The following SPSB2 variants were observed in gnomAD, a reference collection of about 807,000 sequenced individuals.
SPSB2 encodes the protein splA/ryanodine receptor domain and SOCS box containing 2.
A neutral mutation model predicts 19.2 loss-of-function variants in SPSB2; 25 were observed. The ratio of observed to expected loss-of-function variants is 1.30; its 90% CI spans 0.95 to 1.82. SPSB2 has a LOEUF of 1.82. Ranked by LOEUF, SPSB2 falls within the 40% of genes most tolerant of loss-of-function variation. The pLI is 0.00. For missense variants in SPSB2, 413 were observed against 344.9 expected, an observed-to-expected ratio of 1.20 and a Z score of -1.56; for synonymous variants, 153 against 154.9, an observed-to-expected ratio of 0.99 and a Z score of 0.09.
Position 6,871,770 on chromosome 12 carries a change from CCCCAGTGTCTCCA to C in SPSB2, c.664+455_665-452del, listed in dbSNP as rs1944599449. On this transcript the variant is annotated intron_variant, in intron 2 of 2. Coordinates refer to ENST00000524270, the MANE Select transcript of SPSB2 (RefSeq NM_032641.4). ...CTGCTCTCCTCCCTGGTGCCCAGGG[CCCCAGTGTCTCCA>C]TCCAGAGGTGTGGCTGAGGAAGGAA... The C allele has an allele frequency of 8.0e-6, 3 of 374,746 alleles. No homozygotes were observed. In the South Asian group the frequency reaches 1.2e-4, roughly 14 times the overall value. The allele number at this position is 374,746 out of a possible 1,614,324, so 23.2% of individuals were successfully genotyped here. A position where few individuals can be genotyped will look rare whatever the true frequency, so the allele number is the denominator to read the frequency against.
At chr12:6,872,133 G>A in intron 2 of SPSB2, 105 bp downstream of exon 2, 1 of 1,612,996 alleles carries the variant, frequency 6.2e-7, no homozygotes, top group Non-Finnish European at 8.5e-7. Context: ...GGTTGAGGCA[G>A]GCTGGATGAA....
intron 2 of SPSB2, chr12:6,871,589 A>C (rs1944595397): frequency 9.7e-6 from 5 of 515,410 alleles, no homozygotes; most frequent in East Asian, 3.5e-5. Flanking sequence ...CCAGGCTTTG[A>C]CTCCAGAGGC....
rs782068809 is a variant in SPSB2 at position 6,872,864 on chromosome 12, G to A, written c.38C>T (p.Thr13Ile). 11 of 1,595,356 alleles carry A rather than the reference G, an allele frequency of 6.9e-6. No individual in the cohort carries two copies. The highest frequency in any genetic ancestry group is 2.7e-5 in the African/African-American group (2 of 74,510). The change falls in exon 2 of 3, where the codon ACC (threonine) becomes ATC (isoleucine). Residue 13 changes from threonine (T) to isoleucine (I), a missense_variant. Physicochemically the swap from Thr to Ile is moderately conservative, Grantham distance 89 (BLOSUM62 -1). Transcript: ENST00000524270. ...AGGGTACAGGGCCTGTGGCGTGGGG[G>A]TGCTGCTGCTGCCCCCTGCCAGAGC... The part of the protein sequence containing the change: ...QTALAGGSSS[T>I]PTPQALYPDL...
chr12:6,871,663 G>C (rs141383888), intron 2 of SPSB2: 118 of 383,686 alleles, frequency 3.1e-4, no homozygotes, highest in Middle Eastern at 7.1e-4. Flanking sequence ...CAACTGCAGA[G>C]AGCAGCTCCA....
chr12:6,872,310 T>C lies in SPSB2; in HGVS notation c.592A>G (p.Thr198Ala). The C allele has an allele frequency of 6.2e-7, 1 of 1,614,078 alleles. No individual in the cohort carries two copies. Among genetic ancestry groups the C allele is most frequent in the Non-Finnish European group, 8.5e-7 (1 of 1,179,994 alleles). ...GPAFRGLKGR[T>A]LYPAVSAVWG... The stretch of plus-strand genomic sequence containing the variant: ...ACAGCGCTTACTGCCGGATAGAGGG[T>C]CCTGCCCTTCAGTCCGCGGAATGCT... The change falls in exon 2 of 3, where the codon ACC becomes GCC. Residue 198 changes from threonine (T) to alanine (A), a missense_variant. Coordinates refer to ENST00000524270, the MANE Select transcript of SPSB2 (RefSeq NM_032641.4).
intron 2 of SPSB2, 109 bp downstream of exon 2, chr12:6,872,129 G>A: frequency 1.9e-6 from 3 of 1,612,928 alleles, no homozygotes; most frequent in Non-Finnish European, 2.5e-6. Flanking sequence ...CAGAGGTTGA[G>A]GCAGGCTGGA....
rs1336922035 is a variant in SPSB2, at chr12:6,872,987, C to A, written c.-86G>T. Reference sequence around the variant, plus strand: ...AAGTTGAGCTCCAGTTTGGATTGACCTGGAAGGGAGCTGGGAGAAAAGGGG... The same window carrying A: ...AAGTTGAGCTCCAGTTTGGATTGACATGGAAGGGAGCTGGGAGAAAAGGGG... On this transcript the variant is annotated 5_prime_UTR_variant, in exon 2 of 3. In the 5' UTR this introduces an upstream ATG that the reference lacks. Transcript: ENST00000524270. 4.9e-5 allele frequency: 47 copies of A among 951,438 alleles called. No individual in the cohort carries two copies. Among genetic ancestry groups the A allele is most frequent in the Non-Finnish European group, 6.9e-5 (44 of 642,010 alleles). 58.9% of individuals were successfully genotyped at this position (951,438 alleles called of 1,614,324 possible).
chr12:6,872,345 T>C lies in SPSB2; in HGVS notation c.557A>G (p.Tyr186Cys), dbSNP rs782555852. 3 of 1,614,204 alleles carry C rather than the reference T, an allele frequency of 1.9e-6. No homozygotes were observed. Among genetic ancestry groups the C allele is most frequent in the African/African-American group, 1.3e-5 (1 of 75,068 alleles). The change falls in exon 2 of 3, where the codon TAC becomes TGC. Residue 186 changes from tyrosine to cysteine, a missense_variant. Coordinates refer to ENST00000524270, the MANE Select transcript of SPSB2 (RefSeq NM_032641.4). ...CAGTCCGCGGAATGCTGGCCCCAGG[T>C]AGGTGCCCCCAATAGCGTAGCCCAG... ...GTLGYAIGGT[Y>C]LGPAFRGLKG...
chr12:6,872,434 A>C lies in SPSB2; in HGVS notation c.468T>G (p.Thr156=), dbSNP rs782820027. 6.2e-7 allele frequency: 1 copy of C among 1,614,220 alleles called. No individual in the cohort carries two copies. Among genetic ancestry groups the C allele is most frequent in the South Asian group, 1.1e-5 (1 of 91,086 alleles). The change falls in exon 2 of 3, where the codon ACT becomes ACG. Residue 156 remains threonine (T), a synonymous_variant. Transcript: ENST00000524270. ...GPGAPQYPAG[T]QGEQLEVPER... is the part of the protein sequence containing the mutation. The stretch of plus-strand genomic sequence containing the variant: ...CTGGCACCTCCAGCTGCTCACCCTG[A>C]GTTCCCGCTGGATACTGGGGGGCTC...
chr12:6,872,452 G>C lies in SPSB2; in HGVS notation c.450C>G (p.Pro150=), dbSNP rs1555133840. ...CACCCTGAGTTCCCGCTGGATACTG[G>C]GGGGCTCCGGGCCCCTTGCTCTGAT... ...LYHQSKGPGA[P]QYPAGTQGEQ... is the part of the protein sequence containing the mutation. Residue 150 remains proline, a synonymous_variant, in exon 2 of 3, where the codon CCC becomes CCG. Coordinates refer to ENST00000524270, the MANE Select transcript of SPSB2 (RefSeq NM_032641.4). 1.2e-6 allele frequency: 2 copies of C among 1,614,136 alleles called. No individual in the cohort carries two copies. Among genetic ancestry groups the C allele is most frequent in the Admixed American group, 3.3e-5 (2 of 60,034 alleles).
At position 6,871,008 on chromosome 12, in the gene SPSB2, G is replaced by A. The variant is rs1033133934; in HGVS notation, c.*184C>T. 15 of 715,992 alleles carry A rather than the reference G, an allele frequency of 2.1e-5. No individual in the cohort carries two copies. The highest frequency in any genetic ancestry group is 6.9e-5 in the Admixed American group (3 of 43,678). The allele number at this position is 715,992 out of a possible 1,614,324, so 44.4% of individuals were successfully genotyped here. ...GTAGCAGACTGTCATAGCCTTGAAC[G>A]CCGGCTCCCTTTCTTCCTCCCTCCA... On this transcript the variant is annotated 3_prime_UTR_variant, in exon 3 of 3. Coordinates refer to ENST00000524270, the MANE Select transcript of SPSB2 (RefSeq NM_032641.4).
In SPSB2 at chr12:6,872,763, C is replaced by T. The variant is rs781827108; in HGVS notation, c.139G>A (p.Gly47Ser). The T allele has an allele frequency of 5.6e-5, 90 of 1,612,466 alleles. No homozygotes were observed. The highest frequency in any genetic ancestry group is 6.9e-5 in the Non-Finnish European group (82 of 1,180,044). ...TCTGAACAGTCTTTGGGGTTCCAAC[C>T]GTGGCGCCGCTGGGCCCCCAGGTCA... is the stretch of plus-strand genomic sequence containing the variant. Reference protein sequence around the residue: ...PPDLGAQRRHGWNPKDCSENI... With the variant: ...PPDLGAQRRHSWNPKDCSENI... Residue 47 changes from glycine to serine, a missense_variant, in exon 2 of 3, where the codon GGT (glycine) becomes AGT (serine). By Grantham distance (56) the Gly-to-Ser change is moderately conservative. Coordinates refer to ENST00000524270, the MANE Select transcript of SPSB2 (RefSeq NM_032641.4).
At position 6,872,656 on chromosome 12, in the gene SPSB2, CCT is replaced by C. The variant is rs782014580; in HGVS notation, c.244_245del (p.Arg82GlyfsTer36). 2 of 1,612,216 alleles carry C rather than the reference CCT, an allele frequency of 1.2e-6. No homozygotes were observed. Among genetic ancestry groups the C allele is most frequent in the South Asian group, 1.1e-5 (1 of 91,088 alleles). ...AGGCGTGCAGGCCCCTTGAATAGCCCCTCTTACCCCGGGCCCCATCAGTGCTC... is the reference window on the plus strand; with the variant it reads ...AGGCGTGCAGGCCCCTTGAATAGCCCCTTACCCCGGGCCCCATCAGTGCTC... ...AQSTDGARGK[R>X]GYSRGLHAWE... is the part of the protein sequence containing the mutation. On this transcript the variant is annotated frameshift_variant, in exon 2 of 3. Coordinates refer to ENST00000524270, the MANE Select transcript of SPSB2 (RefSeq NM_032641.4). LOFTEE classifies it high-confidence loss of function.
In SPSB2 at chr12:6,872,689, CACGGGCCGCCGCTCAAAGT is replaced by C; in HGVS notation, c.194_212del (p.Tyr65TrpfsTer27). 3.7e-6 allele frequency: 6 copies of C among 1,612,650 alleles called. No individual in the cohort carries two copies. Among genetic ancestry groups the C allele is most frequent in the Non-Finnish European group, 5.1e-6 (6 of 1,180,012 alleles). On this transcript the variant is annotated frameshift_variant, in exon 2 of 3. Coordinates refer to ENST00000524270, the MANE Select transcript of SPSB2 (RefSeq NM_032641.4). LOFTEE classifies it high-confidence loss of function. ...CCCGGGCCCCATCAGTGCTCTGGGC[CACGGGCCGCCGCTCAAAGT>C]ACAACCCTCCTTCCTTGACCTCGAT...
Position 6,872,780 on chromosome 12 carries a change from C to A in SPSB2, c.122G>T (p.Gly41Val). ...ELLSAPPPDL[G>V]AQRRHGWNPK... is the part of the protein sequence containing the mutation. Reference sequence around the variant, plus strand: ...GTTCCAACCGTGGCGCCGCTGGGCCCCCAGGTCAGGAGGGGGTGCAGACAG... The same window carrying A: ...GTTCCAACCGTGGCGCCGCTGGGCCACCAGGTCAGGAGGGGGTGCAGACAG... Residue 41 changes from glycine (G) to valine (V), a missense_variant, in exon 2 of 3, where the codon GGG becomes GTG. Transcript: ENST00000524270. The A allele has an allele frequency of 6.2e-7, 1 of 1,612,436 alleles. No individual in the cohort carries two copies.
intron 2 of SPSB2, chr12:6,871,783 A>C: frequency 4.9e-6 from 2 of 404,688 alleles, no homozygotes; most frequent in Non-Finnish European, 4.5e-6. Context: ...CAGTGTCTCC[A>C]TCCAGAGGTG....
At chr12:6,871,440 G>C in intron 2 of SPSB2, 121 bp from the exon 3 acceptor site, 1 of 1,111,572 alleles carries the variant, frequency 9.0e-7, no homozygotes, top group Non-Finnish European at 1.3e-6. Context: ...CCACCTGGCT[G>C]AAAGGGGAAT....
rs1238596024 is a variant in SPSB2 at position 6,871,825 on chromosome 12, GAGAC to G, written c.664+409_664+412del. 13 of 512,488 alleles carry G rather than the reference GAGAC, an allele frequency of 2.5e-5. No homozygotes were observed. The East Asian group carries it at 4.4e-4, about 17-fold the overall frequency. The allele number at this position is 512,488 out of a possible 1,614,324, so 31.7% of individuals were successfully genotyped here. A position where few individuals can be genotyped will look rare whatever the true frequency, so the allele number is the denominator to read the frequency against. ...AGGAAGGAAGTAGGTATGTGGCACA[GAGAC>G]AGGTTAGAGCCCAGGGAATCCGGTA... On this transcript the variant is annotated intron_variant, in intron 2 of 2. Coordinates refer to ENST00000524270, the MANE Select transcript of SPSB2 (RefSeq NM_032641.4).
At position 6,872,882 on chromosome 12, in the gene SPSB2, G is replaced by A. The variant is rs781896519; in HGVS notation, c.20C>T (p.Ala7Val). The A allele has an allele frequency of 3.2e-6, 5 of 1,585,956 alleles. No individual in the cohort carries two copies. The African/African-American group carries it at 5.4e-5, about 17-fold the overall frequency. ...CGTGGGGGTGCTGCTGCTGCCCCCT[G>A]CCAGAGCTGTCTGGCCCATGGAGGT... MGQTAL[A>V]GGSSSTPTPQ... Residue 7 changes from alanine (A) to valine (V), a missense_variant, in exon 2 of 3, where the codon GCA (alanine) becomes GTA (valine). Coordinates refer to ENST00000524270, the MANE Select transcript of SPSB2 (RefSeq NM_032641.4).
Sources: gnomAD v4.1 joint callset for allele counts on GRCh38, gnomAD v4.1.1 for gene constraint, MANE v1.5 for transcripts, NCBI Gene and HGNC (gene_info 2026-07-23, HGNC 2026-07-21) for gene names.